Variants in PRKAR2A observed in about 807,000 individuals in gnomAD.
PRKAR2A encodes the protein protein kinase cAMP-dependent type II regulatory subunit alpha.
PRKAR2A carries 29 observed loss-of-function variants against 51.9 expected under a neutral mutation model. That is an observed-to-expected ratio of 0.56 (90% confidence interval 0.42 to 0.76). PRKAR2A has a LOEUF of 0.76. PRKAR2A is among the 30% of genes least tolerant of loss of function. The pLI, the probability that PRKAR2A is intolerant of heterozygous loss-of-function variation, is 0.00. For synonymous variants in PRKAR2A, 178 were observed against 186.2 expected, an observed-to-expected ratio of 0.96 and a Z score of 0.36; for missense variants, 445 against 512.1, an observed-to-expected ratio of 0.87 and a Z score of 1.26.
intron 4 of PRKAR2A, among the ~76,000 whole-genome samples, chr3:48,787,138 T>A (rs1179388660): frequency 6.7e-6 from 1 of 149,938 alleles, no homozygotes; most frequent in African/African-American, 2.4e-5. Flanking sequence ...AAAAAAGACA[T>A]TATTGAGAAA....
chr3:48,761,055 A>G (rs1045931560), intron 8 of PRKAR2A, among the ~76,000 whole-genome samples: 7 of 152,014 alleles, frequency 4.6e-5, no homozygotes, highest in African/African-American at 1.7e-4. Context: ...AGGCAGAGGA[A>G]GGAGGATCAC....
At chr3:48,760,054 G>A (rs958838736) in intron 8 of PRKAR2A, among the ~76,000 whole-genome samples, 1 of 152,138 alleles carries the variant, frequency 6.6e-6, no homozygotes, top group Admixed American at 6.5e-5. Flanking sequence ...AATTATACAA[G>A]TCATTAAAAA....
intron 10 of PRKAR2A, 24 bp from the exon 11 acceptor site, chr3:48,751,742 G>T: frequency 6.3e-7 from 1 of 1,591,406 alleles, no homozygotes; most frequent in South Asian, 1.1e-5. Context: ...AAGAGGTGAG[G>T]GAGAGAATGA....
chr3:48,823,616 T>C (rs1205957166), intron 1 of PRKAR2A, among the ~76,000 whole-genome samples: 1 of 150,942 alleles, frequency 6.6e-6, no homozygotes, highest in Non-Finnish European at 1.5e-5. Flanking sequence ...ACTCCATCTC[T>C]ACAAAAAAAT....
chr3:48,804,918 A>T (rs1575906120), intron 2 of PRKAR2A, among the ~76,000 whole-genome samples: 1 of 152,060 alleles, frequency 6.6e-6, no homozygotes, highest in South Asian at 2.1e-4. Flanking sequence ...GTTTAATTTT[A>T]ATTTTTTTTT....
chr3:48,827,489 GTTA>G (rs1439895069), intron 1 of PRKAR2A, among the ~76,000 whole-genome samples: 4 of 152,190 alleles, frequency 2.6e-5, no homozygotes, highest in African/African-American at 9.7e-5. Flanking sequence ...TGAGAAATTT[GTTA>G]GGCAATTTCA....
At chr3:48,798,300 G>A (rs970066431) in intron 2 of PRKAR2A, among the ~76,000 whole-genome samples, 7 of 152,154 alleles carry the variant, frequency 4.6e-5, no homozygotes, top group African/African-American at 1.7e-4. Flanking sequence ...GGGTATTCTA[G>A]TAGGAAACTG....
chr3:48,847,525 C>G lies in PRKAR2A; in HGVS notation c.72G>C (p.Gln24His). The G allele has an allele frequency of 6.4e-7, 1 of 1,565,480 alleles. No homozygotes were observed. The highest frequency in any genetic ancestry group is 8.6e-7 in the Non-Finnish European group (1 of 1,157,096). ...CGAATTCGACGAGGTCAGGCGGCTG[C>G]TGTCGCAGCACCTCCACCGTGTAGC... ...LQGYTVEVLR[Q>H]QPPDLVEFAV... The change falls in exon 1 of 11, where the codon CAG becomes CAC. Residue 24 changes from glutamine (Q) to histidine (H), a missense_variant. By Grantham distance (24) the Gln-to-His change is conservative (BLOSUM62 0). Transcript: ENST00000265563. This position sits in a 1 kb window ranked among gnomAD's most constrained non-coding sequence, Gnocchi z 4.4.
downstream of PRKAR2A, among the ~76,000 whole-genome samples, chr3:48,745,825 C>G (rs931004682): frequency 2.0e-5 from 3 of 152,076 alleles, no homozygotes; most frequent in Admixed American, 6.6e-5. Context: ...AGGTCTGAGT[C>G]ATCGTGCCCA....
At chr3:48,763,241 T>C (rs1436582411) in intron 8 of PRKAR2A, among the ~76,000 whole-genome samples, 3 of 152,320 alleles carry the variant, frequency 2.0e-5, no homozygotes, top group East Asian at 3.9e-4. Flanking sequence ...TGATTGCTGC[T>C]GGTCCTGGGA....
chr3:48,839,484 G>A lies in PRKAR2A; in HGVS notation c.262+7851C>T, dbSNP rs375734538. On this transcript the variant is annotated intron_variant, in intron 1 of 10. Transcript: ENST00000265563. The stretch of plus-strand genomic sequence containing the variant: ...CAGAAGTGAAACAATTCTGAATGTC[G>A]ATTTATTGTTTGTATGCAGCTACAG... Among the ~76,000 whole-genome samples the A allele has an allele frequency of 1.2e-4, 18 of 151,148 alleles. No homozygotes were observed. In the East Asian group the frequency reaches 2.5e-3, roughly 21 times the overall value.
chr3:48,793,091 A>G (rs895842358), intron 3 of PRKAR2A, among the ~76,000 whole-genome samples: 1 of 151,812 alleles, frequency 6.6e-6, no homozygotes, highest in African/African-American at 2.4e-5. Flanking sequence ...TTCTATATAT[A>G]CATACATATA....
At chr3:48,818,170 A>G (rs2082902954) in intron 1 of PRKAR2A, among the ~76,000 whole-genome samples, 1 of 152,184 alleles carries the variant, frequency 6.6e-6, no homozygotes, top group African/African-American at 2.4e-5. Flanking sequence ...TTTCTCTATC[A>G]TTTACATGCC....
intron 2 of PRKAR2A, among the ~76,000 whole-genome samples, chr3:48,799,150 C>T (rs1313439248): frequency 6.6e-6 from 1 of 152,158 alleles, no homozygotes; most frequent in Non-Finnish European, 1.5e-5. Flanking sequence ...TGCCACAGTA[C>T]ACAAGTTACC....
At chr3:48,807,070 C>T (rs989762425) in intron 2 of PRKAR2A, among the ~76,000 whole-genome samples, 4 of 152,122 alleles carry the variant, frequency 2.6e-5, no homozygotes, top group Non-Finnish European at 5.9e-5. Context: ...CGCGCCTGGA[C>T]AGCATTCATT....
chr3:48,755,780 CTTT>C (rs1160883747), intron 9 of PRKAR2A, among the ~76,000 whole-genome samples: 14 of 133,438 alleles, frequency 1.0e-4, no homozygotes, highest in East Asian at 2.1e-4. Flanking sequence ...CCCCCATTTC[CTTT>C]TTTTTTTTTT....
intron 1 of PRKAR2A, among the ~76,000 whole-genome samples, chr3:48,811,860 C>T (rs1034840073): frequency 2.6e-5 from 4 of 151,798 alleles, no homozygotes; most frequent in Non-Finnish European, 4.4e-5. Context: ...GTAAGCCAGG[C>T]TCAAAAAAGA....
chr3:48,814,083 A>C (rs1054708473), intron 1 of PRKAR2A, among the ~76,000 whole-genome samples: 2 of 152,118 alleles, frequency 1.3e-5, no homozygotes, highest in Non-Finnish European at 2.9e-5. Flanking sequence ...CCCTGTCCCT[A>C]CTAAAAATAC....
chr3:48,823,622 A>C (rs928491561), intron 1 of PRKAR2A, among the ~76,000 whole-genome samples: 1 of 151,694 alleles, frequency 6.6e-6, no homozygotes, highest in Non-Finnish European at 1.5e-5. Context: ...TCTCTACAAA[A>C]AAATTTTTTT....
Sources: gnomAD v4.1 joint callset for allele counts (sites outside exome capture counted in the v4.1 genomes callset) on GRCh38, gnomAD v4.1.1 for gene constraint, Gnocchi (gnomAD v3.1) non-coding constraint, MANE v1.5 for transcripts, NCBI Gene and HGNC (gene_info 2026-07-23, HGNC 2026-07-21) for gene names.